The following FHIT variants were observed in gnomAD, a reference collection of about 807,000 sequenced individuals.
FHIT encodes bis(5'-adenosyl)-triphosphatase.
FHIT carries 19 observed loss-of-function variants against 17.9 expected under a neutral mutation model. The observed-to-expected ratio is 1.06, with a 90% CI of 0.74 to 1.56. The LOEUF (loss-of-function observed/expected upper bound fraction) is 1.56. Ranked by LOEUF, FHIT falls within the 40% of genes most tolerant of loss-of-function variation. The pLI is 0.00. For synonymous variants in FHIT, 81 were observed against 69.7 expected, an observed-to-expected ratio of 1.16 and a Z score of -0.81; for missense variants, 248 against 189.2, an observed-to-expected ratio of 1.31 and a Z score of -1.82.
At chr3:60,129,402 A>T (rs1324003597) in intron 5 of FHIT, among the ~76,000 whole-genome samples, 1 of 152,160 alleles carries the variant, frequency 6.6e-6, no homozygotes, top group Non-Finnish European at 1.5e-5. Flanking sequence ...CCTACAAAGA[A>T]TTTCCTCTGA....
chr3:60,224,702 TTTTTA>T (rs144912388), intron 5 of FHIT, among the ~76,000 whole-genome samples: 61,282 of 142,056 alleles, frequency 0.43, 13,384 homozygotes, highest in African/African-American at 0.49. Context: ...CTCACCAGGA[TTTTTA>T]TTTTATTTTA....
At chr3:60,492,349 G>C (rs1309068378) in intron 5 of FHIT, among the ~76,000 whole-genome samples, 2 of 152,096 alleles carry the variant, frequency 1.3e-5, no homozygotes, top group Non-Finnish European at 2.9e-5. Flanking sequence ...TTAGAATTTG[G>C]TATTTAAAAT....
intron 5 of FHIT, among the ~76,000 whole-genome samples, chr3:60,054,288 A>G (rs1701996854): frequency 6.6e-6 from 1 of 152,222 alleles, no homozygotes; most frequent in South Asian, 2.1e-4. Flanking sequence ...GTGTAAAACT[A>G]TTTTCAAGCA....
chr3:60,060,418 A>G (rs1315641973), intron 5 of FHIT, among the ~76,000 whole-genome samples: 1 of 152,222 alleles, frequency 6.6e-6, no homozygotes, highest in Non-Finnish European at 1.5e-5. Flanking sequence ...GCATCACATA[A>G]CAAAGTTCTT....
intron 8 of FHIT, among the ~76,000 whole-genome samples, chr3:59,771,209 C>T (rs1473887266): frequency 6.6e-6 from 1 of 151,972 alleles, no homozygotes; most frequent in African/African-American, 2.4e-5. Context: ...CTCAATGAAT[C>T]GAATTGCAGA....
chr3:61,198,426 G>GCC (rs1296686821), intron 2 of FHIT, among the ~76,000 whole-genome samples: 1 of 152,032 alleles, frequency 6.6e-6, no homozygotes, highest in Non-Finnish European at 1.5e-5. Context: ...CAGGGTGCAG[G>GCC]CCCCTGAGTA....
intron 3 of FHIT, among the ~76,000 whole-genome samples, chr3:60,967,558 T>A (rs1421340919): frequency 6.6e-6 from 1 of 152,244 alleles, no homozygotes; most frequent in African/African-American, 2.4e-5. Flanking sequence ...CAATGGTTAC[T>A]GCTGAAATAT....
In FHIT at chr3:60,569,755, A is replaced by ATTTTT. The variant is rs1553654909; in HGVS notation, c.-17-32781_-17-32777dup. ...TATATATATATATATATATATATAT[A>ATTTTT]TTTTTTTTTTTTTTAGACAGAGTTT... On this transcript the variant is annotated intron_variant, in intron 4 of 9. Transcript: ENST00000492590. Among the ~76,000 whole-genome samples the ATTTTT allele has an allele frequency of 8.1e-4, 63 of 77,324 alleles. 1 individual carries two copies. Among genetic ancestry groups the ATTTTT allele is most frequent in the Admixed American group, 4.4e-3 (22 of 4,996 alleles). The allele number at this position is 77,324 out of a possible 152,430, so 50.7% of individuals were successfully genotyped here.
rs528724179 is a variant in FHIT, at chr3:60,156,060, A to G, written c.104-141908T>C. Among the ~76,000 whole-genome samples the G allele has an allele frequency of 8.5e-5, 13 of 152,290 alleles. No individual in the cohort carries two copies. The South Asian group carries it at 2.7e-3, about 32-fold the overall frequency. On this transcript the variant is annotated intron_variant, in intron 5 of 9. Transcript: ENST00000492590. ...TAGCTTAAAAAATAACACTATAAAA[A>G]AGATCATTTAGGGCCGGGTGTGGGG...
chr3:60,436,376 A>G (rs1275752330), intron 5 of FHIT, among the ~76,000 whole-genome samples: 4 of 152,054 alleles, frequency 2.6e-5, no homozygotes, highest in Admixed American at 1.3e-4. Flanking sequence ...TATCCAGTTT[A>G]TCAATGATAG....
intron 5 of FHIT, among the ~76,000 whole-genome samples, chr3:60,488,666 T>C (rs909074552): frequency 1.3e-5 from 2 of 152,170 alleles, no homozygotes; most frequent in African/African-American, 4.8e-5. Flanking sequence ...CCAGTGTGAC[T>C]AAACAGAACC....
intron 5 of FHIT, among the ~76,000 whole-genome samples, chr3:60,336,997 A>C (rs1224628141): frequency 6.6e-6 from 1 of 152,104 alleles, no homozygotes; most frequent in Admixed American, 6.5e-5. Flanking sequence ...AATTTCATTT[A>C]TATATACTGG....
intron 4 of FHIT, among the ~76,000 whole-genome samples, chr3:60,633,271 T>A (rs1553682909): frequency 2.0e-5 from 3 of 151,368 alleles, no homozygotes; most frequent in Non-Finnish European, 2.9e-5. Flanking sequence ...ATGAACTAGC[T>A]GTGTGATATT....
intron 5 of FHIT, among the ~76,000 whole-genome samples, chr3:60,096,129 CACT>C (rs1277610251): frequency 2.6e-5 from 4 of 152,232 alleles, no homozygotes; most frequent in African/African-American, 9.6e-5. Flanking sequence ...ATGGCCCGCC[CACT>C]TAGCCCGCTC....
intron 3 of FHIT, among the ~76,000 whole-genome samples, chr3:61,034,852 T>C (rs1166487335): frequency 1.3e-5 from 2 of 152,132 alleles, no homozygotes; most frequent in African/African-American, 4.8e-5. Context: ...AGCAGCACTA[T>C]ACACAATAGC....
At chr3:60,061,338 C>T (rs1333809725) in intron 5 of FHIT, among the ~76,000 whole-genome samples, 2 of 152,204 alleles carry the variant, frequency 1.3e-5, no homozygotes, top group African/African-American at 4.8e-5. Context: ...CAACATACGA[C>T]CTCTTTAAAA....
chr3:60,747,387 T>C (rs2042380058), intron 4 of FHIT, among the ~76,000 whole-genome samples: 1 of 152,182 alleles, frequency 6.6e-6, no homozygotes, highest in African/African-American at 2.4e-5. Flanking sequence ...AATTAGATAG[T>C]GTGCAAGCTT....
intron 5 of FHIT, among the ~76,000 whole-genome samples, chr3:60,304,494 G>C (rs1708587696): frequency 6.6e-6 from 1 of 151,692 alleles, no homozygotes; most frequent in Non-Finnish European, 1.5e-5. Flanking sequence ...CAACCTTAGA[G>C]GTCATGGCCA....
intron 3 of FHIT, among the ~76,000 whole-genome samples, chr3:61,032,413 T>C (rs1191306458): frequency 1.3e-5 from 2 of 152,150 alleles, no homozygotes; most frequent in African/African-American, 4.8e-5. Context: ...AAGAGGTGTA[T>C]GTAAGCAGTA....
Sources: allele counts gnomAD v4.1 joint callset (sites outside exome capture counted in the v4.1 genomes callset), GRCh38; gene constraint gnomAD v4.1.1; transcripts MANE v1.5; gene names NCBI Gene and HGNC (gene_info 2026-07-23, HGNC 2026-07-21).